PPP4R2: variants seen among roughly 807,000 people sequenced by gnomAD.
PPP4R2 encodes the protein serine/threonine-protein phosphatase 4 regulatory subunit 2.
PPP4R2 carries 13 observed loss-of-function variants against 47.2 expected under a neutral mutation model. The observed-to-expected ratio is 0.28, with a 90% confidence interval of 0.18 to 0.44. The LOEUF (loss-of-function observed/expected upper bound fraction) is 0.44, where lower values mean the gene tolerates loss of function less well. Among genes scored for constraint, PPP4R2 ranks in the 20% least tolerant of loss-of-function variants. PPP4R2 has a pLI of 1.00. For synonymous variants in PPP4R2, 151 were observed against 163.3 expected (o/e 0.92, Z 0.57); for missense variants, 421 against 491.2 (o/e 0.86, Z 1.35).
chr3:73,052,862 A>G (rs17010449), intron 3 of PPP4R2, among the ~76,000 whole-genome samples: 18,586 of 152,236 alleles, frequency 0.12, 1,417 homozygotes, highest in East Asian at 0.36. Context: ...AATAATCTTT[A>G]TATCATCTGT....
rs556526990 is a variant in PPP4R2 at position 73,014,195 on chromosome 3, C to T, written c.116+16037C>T. ...TACTGCCAGCTGGCTTTCCAAAAAA[C>T]TTGTTCAGTATGTGCTTCTACTAGC... On this transcript the variant is annotated intron_variant, in intron 2 of 8. Coordinates refer to ENST00000356692, the MANE Select transcript of PPP4R2 (RefSeq NM_174907.4). Among the ~76,000 whole-genome samples, 2 of 130,756 alleles carry T rather than the reference C, an allele frequency of 1.5e-5. 1 individual carries two copies. Among genetic ancestry groups the T allele is most frequent in the Non-Finnish European group, 3.6e-5 (2 of 56,218 alleles). The allele number at this position is 130,756 out of a possible 152,430, so 85.8% of individuals were successfully genotyped here. A position where few individuals can be genotyped will look rare whatever the true frequency, so the allele number is the denominator to read the frequency against.
In PPP4R2 at chr3:73,067,427, A is replaced by G. The variant is rs1703021725; in HGVS notation, c.*1705A>G. On this transcript the variant is annotated 3_prime_UTR_variant, in exon 9 of 9. Transcript: ENST00000356692. The stretch of plus-strand genomic sequence containing the variant: ...ATTTATGTTTGTAGGATAATATACT[A>G]CTGACTGACTTGACTGTCAGGTTCA... 6.6e-6 allele frequency: 1 copy of G among 152,154 alleles called. No homozygotes were observed. The highest frequency in any genetic ancestry group is 1.5e-5 in the Non-Finnish European group (1 of 67,992). 9.4% of individuals were successfully genotyped at this position (152,154 alleles called of 1,614,324 possible).
intron 2 of PPP4R2, among the ~76,000 whole-genome samples, chr3:73,045,475 T>C (rs1702462469): frequency 6.6e-6 from 1 of 152,056 alleles, no homozygotes; most frequent in Non-Finnish European, 1.5e-5. Flanking sequence ...TATCTTGAAA[T>C]GACAGGTTCA....
At chr3:73,015,600 C>T (rs1196738693) in intron 2 of PPP4R2, among the ~76,000 whole-genome samples, 4 of 150,732 alleles carry the variant, frequency 2.7e-5, no homozygotes, top group African/African-American at 4.9e-5. Context: ...CTCAGCCTCT[C>T]GATTAGCTGG....
intron 7 of PPP4R2, 46 bp from the exon 8 acceptor site, chr3:73,064,806 T>C (rs1238498532): frequency 1.6e-5 from 24 of 1,476,760 alleles, no homozygotes; most frequent in Non-Finnish European, 2.2e-5. Context: ...ATGTAGAAGA[T>C]GGGGAAAATA....
In PPP4R2 at chr3:73,047,646, C is replaced by G. The variant is rs932200834; in HGVS notation, c.287+290C>G. Among the ~76,000 whole-genome samples, 71 of 152,226 alleles carry G rather than the reference C, an allele frequency of 4.7e-4. 1 individual carries two copies. Among genetic ancestry groups the G allele is most frequent in the Non-Finnish European group, 3.2e-4 (22 of 67,996 alleles). On this transcript the variant is annotated intron_variant, in intron 3 of 8. Transcript: ENST00000356692. Reference sequence around the variant, plus strand: ...TTATATTTGGTGTTATGTCTTCATACTTTATATAGAACCTTTATATCATTG... The same window carrying G: ...TTATATTTGGTGTTATGTCTTCATAGTTTATATAGAACCTTTATATCATTG...
chr3:73,038,935 G>C (rs542877637), intron 2 of PPP4R2, among the ~76,000 whole-genome samples: 2 of 152,194 alleles, frequency 1.3e-5, no homozygotes, highest in South Asian at 2.1e-4. Context: ...ACTCTAATTT[G>C]AAAAATTTGT....
At chr3:73,055,038 G>T (rs1702701448) in intron 3 of PPP4R2, among the ~76,000 whole-genome samples, 1 of 152,096 alleles carries the variant, frequency 6.6e-6, no homozygotes, top group Admixed American at 6.5e-5. Context: ...GGGACAGCTT[G>T]CATTTAAATT....
chr3:73,063,207 C>T, intron 5 of PPP4R2: 1 of 378,012 alleles, frequency 2.6e-6, no homozygotes, highest in Non-Finnish European at 5.0e-6. Context: ...CAGGATCAAC[C>T]ATCACACTCC....
chr3:73,012,120 C>G (rs982917659), intron 2 of PPP4R2, among the ~76,000 whole-genome samples: 1 of 152,046 alleles, frequency 6.6e-6, no homozygotes, highest in African/African-American at 2.4e-5. Flanking sequence ...ATGCTCAGTC[C>G]CTGATGTAAA....
intron 2 of PPP4R2, among the ~76,000 whole-genome samples, chr3:73,024,408 A>G (rs781710598): frequency 1.3e-5 from 2 of 152,168 alleles, no homozygotes; most frequent in Non-Finnish European, 2.9e-5. Flanking sequence ...GATCTTGTAC[A>G]TTCTGTAGGG....
At chr3:73,000,428 C>A (rs754616344) in intron 2 of PPP4R2, among the ~76,000 whole-genome samples, 1 of 152,274 alleles carries the variant, frequency 6.6e-6, no homozygotes, top group Non-Finnish European at 1.5e-5. Context: ...GTTTATGGAT[C>A]AAAATCAGTG....
At chr3:73,023,004 T>C (rs1200423213) in intron 2 of PPP4R2, among the ~76,000 whole-genome samples, 2 of 152,090 alleles carry the variant, frequency 1.3e-5, no homozygotes, top group Admixed American at 1.3e-4. Flanking sequence ...TATGTTGCTT[T>C]TATATTTAGT....
chr3:73,064,730 A>G (rs1384346976), intron 7 of PPP4R2, 122 bp from the exon 8 acceptor site: 3 of 826,004 alleles, frequency 3.6e-6, no homozygotes, highest in Non-Finnish European at 5.8e-6. Flanking sequence ...TTCTTTGTTC[A>G]GGTGTTATAA....
intron 3 of PPP4R2, among the ~76,000 whole-genome samples, chr3:73,057,605 A>G (rs1038225569): frequency 9.9e-5 from 15 of 152,168 alleles, no homozygotes; most frequent in Non-Finnish European, 1.5e-5. Flanking sequence ...AAATTTATCT[A>G]AAAACATTTG....
intron 2 of PPP4R2, among the ~76,000 whole-genome samples, chr3:73,029,089 G>A (rs1291154537): frequency 6.6e-6 from 1 of 152,350 alleles, no homozygotes; most frequent in East Asian, 1.9e-4. Context: ...GAGACTACAG[G>A]CTTGCACCGC....
At position 73,032,304 on chromosome 3, in the gene PPP4R2, A is replaced by G. The variant is rs185508174; in HGVS notation, c.117-14882A>G. On this transcript the variant is annotated intron_variant, in intron 2 of 8. Coordinates refer to ENST00000356692, the MANE Select transcript of PPP4R2 (RefSeq NM_174907.4). ...AAAATTATTTCTTTTTTTTTTTTTGAGACGGAGTCTCGCTCTGCTGCCAGG... is the reference window on the plus strand; with the variant it reads ...AAAATTATTTCTTTTTTTTTTTTTGGGACGGAGTCTCGCTCTGCTGCCAGG... Among the ~76,000 whole-genome samples the G allele has an allele frequency of 4.7e-4, 61 of 128,598 alleles. No homozygotes were observed. The East Asian group carries it at 0.011, about 24-fold the overall frequency. The allele number at this position is 128,598 out of a possible 152,430, so 84.4% of individuals were successfully genotyped here.
chr3:73,061,197 A>C (rs1702851175), intron 5 of PPP4R2, 137 bp downstream of exon 5: 1 of 396,404 alleles, frequency 2.5e-6, no homozygotes, highest in Admixed American at 4.4e-5. Flanking sequence ...TGAACCTACC[A>C]TTCAGTCCCC....
chr3:73,026,765 C>G lies in PPP4R2; in HGVS notation c.117-20421C>G, dbSNP rs542684151. ...TAGTGTTAGTGTATTTTATGTGCAG[C>G]CTAAGACAATTTCTCTTCCAGTGTG... On this transcript the variant is annotated intron_variant, in intron 2 of 8. Transcript: ENST00000356692. 5.1e-4 allele frequency among the ~76,000 whole-genome samples: 77 copies of G among 152,164 alleles called. No homozygotes were observed. The South Asian group carries it at 0.016, about 31-fold the overall frequency.
Sources: gnomAD v4.1 joint callset for allele counts (sites outside exome capture counted in the v4.1 genomes callset) on GRCh38, gnomAD v4.1.1 for gene constraint, MANE v1.5 for transcripts, NCBI Gene and HGNC (gene_info 2026-07-23, HGNC 2026-07-21) for gene names.